The following NALF1 variants were observed in gnomAD, a reference collection of about 807,000 sequenced individuals.
NALF1 encodes the protein NALCN channel auxiliary factor 1.
In NALF1, 3 loss-of-function variants were observed where a neutral mutation model predicts 48.4. That is an observed-to-expected ratio of 0.06 (90% CI 0.03 to 0.16). The LOEUF (loss-of-function observed/expected upper bound fraction) is 0.16, where lower values mean the gene tolerates loss of function less well. Among genes scored for constraint, NALF1 ranks in the 10% least tolerant of loss-of-function variants. NALF1 has a pLI of 1.00. For missense variants in NALF1, 526 were observed against 571.5 expected, an observed-to-expected ratio of 0.92 and a Z score of 0.81; for synonymous variants, 262 against 245.7, an observed-to-expected ratio of 1.07 and a Z score of -0.62.
In NALF1 at chr13:107,496,805, A is replaced by C. The variant is rs547201950; in HGVS notation, c.916-286050T>G. On this transcript the variant is annotated intron_variant, in intron 1 of 2. Coordinates refer to ENST00000375915, the MANE Select transcript of NALF1 (RefSeq NM_001080396.3). ...ATGGATGGGAGCAGGCAAAAAAGAA[A>C]GAGCTTGTGCAGGGAAACACCACGT... Among the ~76,000 whole-genome samples, 125 of 152,312 alleles carry C rather than the reference A, an allele frequency of 8.2e-4. 1 individual carries two copies. Among genetic ancestry groups the C allele is most frequent in the African/African-American group, 2.9e-3 (119 of 41,586 alleles).
intron 2 of NALF1, among the ~76,000 whole-genome samples, chr13:107,199,102 A>T (rs980749447): frequency 6.6e-6 from 1 of 151,754 alleles, no homozygotes. Flanking sequence ...CTAGTTCAAT[A>T]GGACAGATGT....
chr13:107,562,728 C>T (rs902307777), intron 1 of NALF1, among the ~76,000 whole-genome samples: 1 of 152,170 alleles, frequency 6.6e-6, no homozygotes, highest in Non-Finnish European at 1.5e-5. Context: ...TTGACTATGC[C>T]TTGTGCTCCT....
intron 1 of NALF1, among the ~76,000 whole-genome samples, chr13:107,300,710 C>A (rs1048127102): frequency 6.6e-6 from 1 of 152,110 alleles, no homozygotes; most frequent in African/African-American, 2.4e-5. Flanking sequence ...TATAAAAGTA[C>A]AGCATCTAAA....
intron 1 of NALF1, among the ~76,000 whole-genome samples, chr13:107,749,793 GT>G (rs1401357350): frequency 4.0e-5 from 6 of 151,072 alleles, no homozygotes; most frequent in Non-Finnish European, 8.8e-5. Flanking sequence ...TATCAGTTTG[GT>G]TTTTTTGTTG....
intron 1 of NALF1, among the ~76,000 whole-genome samples, chr13:107,293,486 A>G (rs533267979): frequency 3.5e-4 from 54 of 152,256 alleles, no homozygotes; most frequent in African/African-American, 1.2e-3. Flanking sequence ...TCTAGGCCTC[A>G]CTTCCCTACT....
intron 1 of NALF1, among the ~76,000 whole-genome samples, chr13:107,326,461 C>T (rs1882366630): frequency 6.6e-6 from 1 of 152,042 alleles, no homozygotes; most frequent in Non-Finnish European, 1.5e-5. Context: ...GAATTATATG[C>T]ATCATTTTAA....
intron 1 of NALF1, among the ~76,000 whole-genome samples, chr13:107,856,489 C>T: frequency 6.6e-6 from 1 of 152,090 alleles, no homozygotes; most frequent in East Asian, 1.9e-4. Context: ...TCATTAGTTT[C>T]ACTTCCTGTC....
At chr13:107,271,804 A>ATT (rs1881176990) in intron 1 of NALF1, among the ~76,000 whole-genome samples, 8 of 34,208 alleles carry the variant, frequency 2.3e-4, no homozygotes, top group South Asian at 2.5e-3. Context: ...ATATATATAT[A>ATT]TATATATATA....
At chr13:107,325,990 T>A (rs9587353) in intron 1 of NALF1, among the ~76,000 whole-genome samples, 2 of 148,850 alleles carry the variant, frequency 1.3e-5, no homozygotes, top group Non-Finnish European at 3.0e-5. Context: ...TATACATATA[T>A]ACATATATAT....
intron 1 of NALF1, among the ~76,000 whole-genome samples, chr13:107,458,758 G>T (rs1884868438): frequency 6.6e-6 from 1 of 152,194 alleles, no homozygotes; most frequent in Non-Finnish European, 1.5e-5. Flanking sequence ...ACAATAGCGA[G>T]CCTGGGAGTA....
At chr13:107,406,677 G>T (rs539175453) in intron 1 of NALF1, among the ~76,000 whole-genome samples, 18 of 151,668 alleles carry the variant, frequency 1.2e-4, no homozygotes, top group Non-Finnish European at 2.4e-4. Context: ...AGAAAAAACA[G>T]TCCTAAAATT....
chr13:107,430,669 T>C (rs537360602), intron 1 of NALF1, among the ~76,000 whole-genome samples: 27 of 152,244 alleles, frequency 1.8e-4, no homozygotes, highest in African/African-American at 6.0e-4. Context: ...ATGGTGTATA[T>C]GTGCCACATT....
chr13:107,851,866 C>A (rs745584248), intron 1 of NALF1, among the ~76,000 whole-genome samples: 58 of 130,492 alleles, frequency 4.4e-4, no homozygotes, highest in Middle Eastern at 4.9e-3. Flanking sequence ...TTGAGTGCAG[C>A]GGGACAATCA....
intron 2 of NALF1, among the ~76,000 whole-genome samples, chr13:107,190,710 G>A (rs1879262414): frequency 6.6e-6 from 1 of 152,048 alleles, no homozygotes; most frequent in African/African-American, 2.4e-5. Context: ...TTTGCAAAAG[G>A]AATATTAGTT....
At chr13:107,789,773 G>A (rs1878178536) in intron 1 of NALF1, among the ~76,000 whole-genome samples, 1 of 152,202 alleles carries the variant, frequency 6.6e-6, no homozygotes, top group Non-Finnish European at 1.5e-5. Flanking sequence ...GAATGCCCAT[G>A]CTCTCTGCAC....
intron 1 of NALF1, among the ~76,000 whole-genome samples, chr13:107,484,649 G>C (rs1043540331): frequency 2.6e-5 from 4 of 152,238 alleles, no homozygotes; most frequent in African/African-American, 9.6e-5. Flanking sequence ...GTAGCTCTGA[G>C]TGCAATACAG....
chr13:107,723,198 A>G (rs1404246947), intron 1 of NALF1, among the ~76,000 whole-genome samples: 1 of 152,094 alleles, frequency 6.6e-6, no homozygotes, highest in Non-Finnish European at 1.5e-5. Flanking sequence ...CCAGTACCAG[A>G]ATCCCTTGCT....
chr13:107,818,168 T>C (rs1007853355), intron 1 of NALF1, among the ~76,000 whole-genome samples: 1 of 152,160 alleles, frequency 6.6e-6, no homozygotes, highest in African/African-American at 2.4e-5. Context: ...GTCAAGTGCA[T>C]TAATCTTAGG....
At chr13:107,338,928 C>G (rs562475760) in intron 1 of NALF1, among the ~76,000 whole-genome samples, 2 of 151,790 alleles carry the variant, frequency 1.3e-5, no homozygotes, top group Non-Finnish European at 2.9e-5. Context: ...GTCAGGAGGT[C>G]GAGTCCATCC....
Sources: allele counts gnomAD v4.1 joint callset (sites outside exome capture counted in the v4.1 genomes callset), GRCh38; gene constraint gnomAD v4.1.1; transcripts MANE v1.5; gene names NCBI Gene and HGNC (gene_info 2026-07-23, HGNC 2026-07-21).